VSTM1: variants seen among roughly 807,000 people sequenced by gnomAD.
VSTM1 encodes V-set and transmembrane domain containing 1.
A neutral mutation model predicts 33.1 loss-of-function variants in VSTM1; 27 were observed. The observed-to-expected ratio is 0.82, with a 90% CI of 0.60 to 1.12. VSTM1 has a LOEUF of 1.12. Among genes scored for constraint, VSTM1 ranks in the 50% most tolerant of loss-of-function variants. The probability of loss-of-function intolerance (pLI) is 0.00; values close to 1 mark genes in which losing one functional copy is unlikely to be tolerated. For missense variants in VSTM1, 304 were observed against 288.9 expected (o/e 1.05, Z -0.38); for synonymous variants, 115 against 110.3 (o/e 1.04, Z -0.27).
rs772365854 is a variant in VSTM1 at position 54,058,480 on chromosome 19, G to C, written c.181C>G (p.Arg61Gly). 3.1e-6 allele frequency: 5 copies of C among 1,613,888 alleles called. No homozygotes were observed. The Admixed American group carries it at 6.7e-5, about 22-fold the overall frequency. ...AHSQNVTFVL[R>G]KVNDSGYKQE... ...TTGTACCCAGAGTCGTTCACCTTGCGCAGCACAAATGTCACATTCTGGGAA... is the reference window on the plus strand; with the variant it reads ...TTGTACCCAGAGTCGTTCACCTTGCCCAGCACAAATGTCACATTCTGGGAA... The change falls in exon 3 of 9, where the codon CGC becomes GGC. Residue 61 changes from arginine to glycine, a missense_variant. Coordinates refer to ENST00000338372, the MANE Select transcript of VSTM1 (RefSeq NM_198481.4).
At chr19:54,062,237 G>A (rs1243563860) in intron 1 of VSTM1, among the ~76,000 whole-genome samples, 1 of 152,072 alleles carries the variant, frequency 6.6e-6, no homozygotes, top group Non-Finnish European at 1.5e-5. Context: ...GTTCTCAGAA[G>A]GAATCAACAT....
At chr19:54,058,886 T>A (rs1388142087) in intron 1 of VSTM1, among the ~76,000 whole-genome samples, 154 bp from the exon 2 acceptor site, 1 of 148,044 alleles carries the variant, frequency 6.8e-6, no homozygotes, top group South Asian at 2.1e-4. Context: ...TAAGTATATG[T>A]ACACATATTA....
intron 3 of VSTM1, among the ~76,000 whole-genome samples, chr19:54,057,675 G>T (rs984063538): frequency 4.2e-4 from 64 of 152,010 alleles, no homozygotes; most frequent in African/African-American, 1.5e-3. Context: ...CAGGTGTGGT[G>T]GCGCACCCCT....
At chr19:54,051,982 A>G (rs2070861618) in intron 3 of VSTM1, among the ~76,000 whole-genome samples, 1 of 152,048 alleles carries the variant, frequency 6.6e-6, no homozygotes, top group Non-Finnish European at 1.5e-5. Flanking sequence ...GCTGGTCTCA[A>G]ACTCCTGGCC....
At position 54,056,931 on chromosome 19, in the gene VSTM1, C is replaced by T. The variant is rs563566281; in HGVS notation, c.355+1375G>A. Among the ~76,000 whole-genome samples the T allele has an allele frequency of 1.5e-3, 208 of 140,066 alleles. 32 individuals carry two copies. Among genetic ancestry groups the T allele is most frequent in the African/African-American group, 4.9e-3 (185 of 37,950 alleles). 91.9% of individuals were successfully genotyped at this position (140,066 alleles called of 152,430 possible). ...GCAGTGGCACAATCTCAGCTCATTA[C>T]AACCTCTGCCTTCTGGGCTCAAGAG... On this transcript the variant is annotated intron_variant, in intron 3 of 8. Coordinates refer to ENST00000338372, the MANE Select transcript of VSTM1 (RefSeq NM_198481.4).
Position 54,040,915 on chromosome 19 carries a change from G to A in VSTM1, c.*46C>T. 6.3e-7 allele frequency: 1 copy of A among 1,596,534 alleles called. No individual in the cohort carries two copies. Among genetic ancestry groups the A allele is most frequent in the Non-Finnish European group, 8.5e-7 (1 of 1,172,472 alleles). On this transcript the variant is annotated 3_prime_UTR_variant, in exon 9 of 9. Transcript: ENST00000338372. ...GCATCTCCAGATTTCCGATAACCTT[G>A]GCCAGCACGATCCCCCCTCCTTTAG...
rs1555752517 is a variant in VSTM1, at chr19:54,042,820, A to ATATATG, written c.395-452_395-451insCATATA. Among the ~76,000 whole-genome samples, 182 of 79,932 alleles carry ATATATG rather than the reference A, an allele frequency of 2.3e-3. 1 individual carries two copies. Among genetic ancestry groups the ATATATG allele is most frequent in the East Asian group, 3.6e-3 (13 of 3,642 alleles). The allele number at this position is 79,932 out of a possible 152,430, so 52.4% of individuals were successfully genotyped here. ...TATATAAATGTGTATATATATATATATATATATATATATATATACATATAT... is the reference window on the plus strand; with the variant it reads ...TATATAAATGTGTATATATATATATATATATGTATATATATATATATATACATATAT... On this transcript the variant is annotated intron_variant, in intron 4 of 8. Coordinates refer to ENST00000338372, the MANE Select transcript of VSTM1 (RefSeq NM_198481.4).
At chr19:54,060,524 C>T (rs181592492) in intron 1 of VSTM1, among the ~76,000 whole-genome samples, 19 of 152,286 alleles carry the variant, frequency 1.2e-4, no homozygotes, top group Admixed American at 7.9e-4. Flanking sequence ...ACCGAAGCTG[C>T]GTTGGCAGCG....
At chr19:54,063,688 C>G (rs1600178140) in intron 1 of VSTM1, 56 bp downstream of exon 1, 1 of 1,605,144 alleles carries the variant, frequency 6.2e-7, no homozygotes, top group East Asian at 2.3e-5. Flanking sequence ...ACTGCCACTC[C>G]CACATGAGTT....
intron 1 of VSTM1, among the ~76,000 whole-genome samples, chr19:54,062,631 G>T (rs888874515): frequency 1.3e-5 from 2 of 151,660 alleles, no homozygotes; most frequent in African/African-American, 4.8e-5. Flanking sequence ...GGCGGAGGCA[G>T]GAGAATCGCT....
intron 4 of VSTM1, chr19:54,048,538 C>T (rs1409181038): frequency 5.5e-6 from 1 of 183,220 alleles, no homozygotes; most frequent in Non-Finnish European, 1.2e-5. Context: ...TAAGTGTTGA[C>T]AAGGATGTGG....
rs1464641858 is a variant in VSTM1, at chr19:54,055,984, T to G, written c.355+2322A>C. ...ACCTCCCCTCGCAGGGTTAGTTAAT[T>G]TCTAGAGCCAGTAAACAACTTGTCC... On this transcript the variant is annotated intron_variant, in intron 3 of 8. Coordinates refer to ENST00000338372, the MANE Select transcript of VSTM1 (RefSeq NM_198481.4). Among the ~76,000 whole-genome samples, 2 of 140,668 alleles carry G rather than the reference T, an allele frequency of 1.4e-5. 1 individual carries two copies. The highest frequency in any genetic ancestry group is 5.3e-5 in the African/African-American group (2 of 38,008). 92.3% of individuals were successfully genotyped at this position (140,668 alleles called of 152,430 possible).
At chr19:54,059,887 A>G (rs1358364148) in intron 1 of VSTM1, among the ~76,000 whole-genome samples, 9 of 146,798 alleles carry the variant, frequency 6.1e-5, no homozygotes, top group African/African-American at 2.0e-4. Context: ...TCGCTCTGTC[A>G]CCCAGGCTGG....
Position 54,058,396 on chromosome 19 carries a change from T to C in VSTM1, c.265A>G (p.Lys89Glu), listed in dbSNP as rs768852603. The C allele has an allele frequency of 1.9e-6, 3 of 1,614,006 alleles. No individual in the cohort carries two copies. The highest frequency in any genetic ancestry group is 4.5e-5 in the East Asian group (2 of 44,894). Residue 89 changes from lysine to glutamate, a missense_variant, in exon 3 of 9, where the codon AAG becomes GAG. Coordinates refer to ENST00000338372, the MANE Select transcript of VSTM1 (RefSeq NM_198481.4). ...GCACAAAAGTACCTCCCAGCATCCT[T>C]AGGCTTCAGGTCCGTGAAGGGGAAT... ...AEFPFTDLKP[K>E]DAGRYFCAYK... is the part of the protein sequence containing the mutation.
At chr19:54,051,677 T>G (rs1294612935) in intron 3 of VSTM1, among the ~76,000 whole-genome samples, 2 of 152,166 alleles carry the variant, frequency 1.3e-5, no homozygotes, top group Non-Finnish European at 2.9e-5. Context: ...ACAAAAATAT[T>G]TATGAATGAC....
intron 3 of VSTM1, chr19:54,052,892 G>A: frequency 6.6e-6 from 1 of 152,058 alleles, no homozygotes; most frequent in South Asian, 1.2e-4. Context: ...TGAGGTGGGA[G>A]GATTACCTGG....
At chr19:54,050,149 C>T (rs1455768265) in intron 4 of VSTM1, among the ~76,000 whole-genome samples, 3 of 151,702 alleles carry the variant, frequency 2.0e-5, no homozygotes. Flanking sequence ...CAGGCGCCCA[C>T]CACAATGCCC....
Position 54,040,878 on chromosome 19 carries a change from AAC to A in VSTM1, c.*81_*82del. Reference sequence around the variant, plus strand: ...TATTGATATGGACGAAGAGCAAGGAAACACAGTATCTGCATCTCCAGATTTCC... The same window carrying A: ...TATTGATATGGACGAAGAGCAAGGAAACAGTATCTGCATCTCCAGATTTCC... On this transcript the variant is annotated 3_prime_UTR_variant, in exon 9 of 9. Coordinates refer to ENST00000338372, the MANE Select transcript of VSTM1 (RefSeq NM_198481.4). 6.6e-7 allele frequency: 1 copy of A among 1,522,568 alleles called. No homozygotes were observed. Among genetic ancestry groups the A allele is most frequent in the Non-Finnish European group, 8.8e-7 (1 of 1,133,388 alleles). The allele number at this position is 1,522,568 out of a possible 1,614,324, so 94.3% of individuals were successfully genotyped here. A position where few individuals can be genotyped will look rare whatever the true frequency, so the allele number is the denominator to read the frequency against.
rs761207985 is a variant in VSTM1 at position 54,041,031 on chromosome 19, A to G, written c.641T>C (p.Leu214Pro). Reference protein sequence around the residue: ...VTYAELSTSALSEAASDTTQE... With the variant: ...VTYAELSTSAPSEAASDTTQE... ...GGTGGTGTCTGAAGCTGCCTCAGAC[A>G]GGGCGCTGGTGCTTAGCTCAGCATA... is the stretch of plus-strand genomic sequence containing the variant. The change falls in exon 9 of 9, where the codon CTG becomes CCG. Residue 214 changes from leucine to proline, a missense_variant. Leu to Pro is a moderately conservative substitution (Grantham distance 98). Coordinates refer to ENST00000338372, the MANE Select transcript of VSTM1 (RefSeq NM_198481.4). 2.5e-6 allele frequency: 4 copies of G among 1,608,332 alleles called. No homozygotes were observed. In the East Asian group the frequency reaches 6.8e-5, roughly 27 times the overall value.
Sources: gnomAD v4.1 joint callset for allele counts (sites outside exome capture counted in the v4.1 genomes callset) on GRCh38, gnomAD v4.1.1 for gene constraint, MANE v1.5 for transcripts, NCBI Gene and HGNC (gene_info 2026-07-23, HGNC 2026-07-21) for gene names.